LANCL3: variants seen among roughly 807,000 people sequenced by gnomAD.
The protein encoded by LANCL3 is LanC like family member 3.
LANCL3 carries 19 observed loss-of-function variants against 26.5 expected under a neutral mutation model. The ratio of observed to expected loss-of-function variants is 0.72; its 90% CI spans 0.50 to 1.05. The LOEUF (loss-of-function observed/expected upper bound fraction) is 1.05, where lower values mean the gene tolerates loss of function less well. LANCL3 is among the 50% of genes least tolerant of loss of function. LANCL3 has a pLI of 0.00. For missense variants in LANCL3, 318 were observed against 362.7 expected, an observed-to-expected ratio of 0.88 and a Z score of 1.00; for synonymous variants, 160 against 166.6, an observed-to-expected ratio of 0.96 and a Z score of 0.30.
In LANCL3 at chrX:37,635,806, A is replaced by AT. The variant is rs1184523632; in HGVS notation, c.574-19873dup. ...TATGAATATGTATAGTTATTACTTA[A>AT]TTTTTTTTTAACTTTTAGCTTCAAG... On this transcript the variant is annotated intron_variant, in intron 1 of 4. Transcript: ENST00000378619. Among the ~76,000 whole-genome samples the AT allele has an allele frequency of 8.2e-5, 9 of 109,351 alleles. No homozygotes were observed. In the East Asian group the frequency reaches 1.7e-3, roughly 21 times the overall value. The allele number at this position is 109,351 out of a possible 115,157, so 95.0% of individuals were successfully genotyped here. A position where few individuals can be genotyped will look rare whatever the true frequency, so the allele number is the denominator to read the frequency against.
intron 1 of LANCL3, among the ~76,000 whole-genome samples, chrX:37,615,253 G>C (rs1348431283): frequency 8.9e-6 from 1 of 111,983 alleles, no homozygotes; most frequent in Non-Finnish European, 1.9e-5. Flanking sequence ...CTGGGATGGG[G>C]CCTAGGAGTC....
chrX:37,583,619 G>C (rs1923966963), intron 1 of LANCL3, among the ~76,000 whole-genome samples: 1 of 111,744 alleles, frequency 8.9e-6, no homozygotes, highest in African/African-American at 3.3e-5. Flanking sequence ...CTCTCTGTTT[G>C]TCTATCATTG....
At chrX:37,632,296 C>T (rs1230499326) in intron 1 of LANCL3, among the ~76,000 whole-genome samples, 3 of 110,852 alleles carry the variant, frequency 2.7e-5, no homozygotes, top group African/African-American at 9.9e-5. Context: ...TTTTATTTTC[C>T]ATTTGCTTGG....
At chrX:37,599,200 G>C (rs1486790691) in intron 1 of LANCL3, among the ~76,000 whole-genome samples, 1 of 111,562 alleles carries the variant, frequency 9.0e-6, no homozygotes, top group Non-Finnish European at 1.9e-5. Context: ...ATTAGAGTGA[G>C]TTTTCTCCGG....
intron 1 of LANCL3, among the ~76,000 whole-genome samples, chrX:37,608,684 T>C (rs1449030009): frequency 2.7e-5 from 3 of 112,069 alleles, no homozygotes; most frequent in Non-Finnish European, 3.8e-5. Flanking sequence ...CTCAGAATTA[T>C]GACCCACTGG....
intron 1 of LANCL3, among the ~76,000 whole-genome samples, chrX:37,576,786 A>G (rs1923759975): frequency 8.9e-6 from 1 of 112,380 alleles, no homozygotes; most frequent in Admixed American, 9.4e-5. Context: ...GCTGTTTGGT[A>G]GGAAAGCTTC....
chrX:37,609,302 T>C (rs1461055283), intron 1 of LANCL3, among the ~76,000 whole-genome samples: 3 of 111,824 alleles, frequency 2.7e-5, no homozygotes, highest in Non-Finnish European at 5.6e-5. Flanking sequence ...ATCTGGAGGC[T>C]AAACTAAGGT....
intron 1 of LANCL3, among the ~76,000 whole-genome samples, chrX:37,589,968 G>A (rs3126468): frequency 5.3e-5 from 6 of 112,496 alleles, no homozygotes; most frequent in African/African-American, 1.6e-4. Context: ...AAGAACTTGT[G>A]TGAATTACTC....
At chrX:37,597,737 G>A (rs187868930) in intron 1 of LANCL3, among the ~76,000 whole-genome samples, 225 of 89,087 alleles carry the variant, frequency 2.5e-3, no homozygotes, top group Non-Finnish European at 3.6e-3. Context: ...AGCTGTTCTC[G>A]AACTTCTGGG....
At chrX:37,633,246 G>T (rs1027619384) in intron 1 of LANCL3, among the ~76,000 whole-genome samples, 1 of 109,482 alleles carries the variant, frequency 9.1e-6, no homozygotes, top group Non-Finnish European at 1.9e-5. Flanking sequence ...CCAGTTGATC[G>T]CATCGGTTCC....
rs569003372 is a variant in LANCL3 at position 37,655,902 on chromosome X, G to C, written c.697+91G>C. On this transcript the variant is annotated intron_variant, in intron 2 of 4. Coordinates refer to ENST00000378619, the MANE Select transcript of LANCL3 (RefSeq NM_001170331.2). ...GCTGGAAGATTTTGTTTTTGCCATA[G>C]GTCATTACTAGTCATTTAATAAGAA... The C allele has an allele frequency of 2.4e-3, 1,881 of 797,783 alleles. 23 individuals carry two copies. In the South Asian group the frequency reaches 0.048, roughly 20 times the overall value. The allele number at this position is 797,783 out of a possible 1,213,427, so 65.7% of individuals were successfully genotyped here. A position where few individuals can be genotyped will look rare whatever the true frequency, so the allele number is the denominator to read the frequency against.
In LANCL3 at chrX:37,681,503, C is replaced by T. The variant is rs1299223759; in HGVS notation, c.*5690C>T. 3.6e-5 allele frequency: 4 copies of T among 111,955 alleles called. No individual in the cohort carries two copies. Among genetic ancestry groups the T allele is most frequent in the African/African-American group, 6.5e-5 (2 of 30,751 alleles). 9.2% of individuals were successfully genotyped at this position (111,955 alleles called of 1,213,427 possible). On this transcript the variant is annotated 3_prime_UTR_variant, in exon 5 of 5. Coordinates refer to ENST00000378619, the MANE Select transcript of LANCL3 (RefSeq NM_001170331.2). ...ATGTAAACAGAACCTGCCTATTACA[C>T]GAGAGCTGCAATATTTCCCCAAATG... is the stretch of plus-strand genomic sequence containing the variant.
At chrX:37,670,542 TA>T (rs1165555406) in intron 4 of LANCL3, among the ~76,000 whole-genome samples, 3 of 111,144 alleles carry the variant, frequency 2.7e-5, no homozygotes, top group Admixed American at 1.9e-4. Context: ...TTTTGTTTAT[TA>T]AAAAAAATTC....
intron 4 of LANCL3, among the ~76,000 whole-genome samples, chrX:37,674,555 G>C (rs1926752332): frequency 1.8e-5 from 2 of 110,960 alleles, no homozygotes; most frequent in African/African-American, 6.5e-5. Context: ...CATGATGCTG[G>C]CTATATTATT....
intron 1 of LANCL3, among the ~76,000 whole-genome samples, chrX:37,595,913 G>T (rs1440178036): frequency 8.9e-6 from 1 of 111,821 alleles, no homozygotes; most frequent in East Asian, 2.8e-4. Context: ...AGAATGGAGA[G>T]TAATATAGAA....
At chrX:37,653,270 G>A (rs555989948) in intron 1 of LANCL3, among the ~76,000 whole-genome samples, 6 of 110,708 alleles carry the variant, frequency 5.4e-5, no homozygotes, top group African/African-American at 1.7e-4. Context: ...AAATAAGCAG[G>A]CAAACACACA....
chrX:37,624,450 C>A (rs782444616), intron 1 of LANCL3, among the ~76,000 whole-genome samples: 2 of 111,584 alleles, frequency 1.8e-5, no homozygotes, highest in East Asian at 5.6e-4. Flanking sequence ...ATATTAATAT[C>A]ATGTTATGTA....
chrX:37,595,752 T>A (rs1479229286), intron 1 of LANCL3, among the ~76,000 whole-genome samples: 1 of 112,225 alleles, frequency 8.9e-6, no homozygotes, highest in African/African-American at 3.2e-5. Context: ...TGATAAAATT[T>A]CATATATATT....
rs782069544 is a variant in LANCL3 at position 37,631,971 on chromosome X, G to A, written c.574-23717G>A. Among the ~76,000 whole-genome samples, 253 of 110,732 alleles carry A rather than the reference G, an allele frequency of 2.3e-3. 1 individual carries two copies. The highest frequency in any genetic ancestry group is 8.2e-3 in the African/African-American group (246 of 30,142). On this transcript the variant is annotated intron_variant, in intron 1 of 4. Transcript: ENST00000378619. ...AGTTCTGTAGATGTCTATTAGGTCT[G>A]CTTGGTGCAGAGCTGAGTTCAATTC...
Sources: allele counts gnomAD v4.1 joint callset (sites outside exome capture counted in the v4.1 genomes callset), GRCh38; gene constraint gnomAD v4.1.1; transcripts MANE v1.5; gene names NCBI Gene and HGNC (gene_info 2026-07-23, HGNC 2026-07-21).